Variants in DTX4 observed in about 807,000 individuals in gnomAD.
The protein encoded by DTX4 is E3 ubiquitin-protein ligase DTX4.
Under a neutral mutation model 57.6 loss-of-function variants are expected in DTX4, and 28 were observed. The ratio of observed to expected loss-of-function variants is 0.49; its 90% CI spans 0.36 to 0.67. The LOEUF (loss-of-function observed/expected upper bound fraction) is 0.67, where lower values mean the gene tolerates loss of function less well. Ranked by LOEUF, DTX4 falls within the 30% of genes least tolerant of loss-of-function variation. The pLI, the probability that DTX4 is intolerant of heterozygous loss-of-function variation, is 0.00. For synonymous variants in DTX4, 316 were observed against 331.0 expected (o/e 0.95, Z 0.49); for missense variants, 715 against 836.8 (o/e 0.85, Z 1.80).
Position 59,204,949 on chromosome 11 carries a change from G to A in DTX4, c.*40G>A. On this transcript the variant is annotated 3_prime_UTR_variant, in exon 9 of 9. Coordinates refer to ENST00000227451, the MANE Select transcript of DTX4 (RefSeq NM_015177.2). The stretch of plus-strand genomic sequence containing the variant: ...TGAGGTGGGAGGGGCCATGGAGACT[G>A]CAGGACAGGAAGTGAGGAGAGTGAG... The A allele has an allele frequency of 2.0e-6, 3 of 1,520,198 alleles. No homozygotes were observed. Among genetic ancestry groups the A allele is most frequent in the Non-Finnish European group, 1.8e-6 (2 of 1,118,352 alleles). The allele number at this position is 1,520,198 out of a possible 1,614,324, so 94.2% of individuals were successfully genotyped here.
rs1862470819 is a variant in DTX4, at chr11:59,182,068, G to A, written c.541G>A (p.Ala181Thr). 1.9e-6 allele frequency: 3 copies of A among 1,612,234 alleles called. No homozygotes were observed. Among genetic ancestry groups the A allele is most frequent in the Admixed American group, 3.3e-5 (2 of 59,918 alleles). ...AQSWPVSPGP[A>T]TSPPMSPCSC... ...GTCCTGGCCAGTCAGCCCTGGGCCAGCCACCTCGCCCCCCATGTCCCCCTG... is the reference window on the plus strand; with the variant it reads ...GTCCTGGCCAGTCAGCCCTGGGCCAACCACCTCGCCCCCCATGTCCCCCTG... Residue 181 changes from alanine (A) to threonine (T), a missense_variant, in exon 2 of 9, where the codon GCC (alanine) becomes ACC (threonine). By Grantham distance (58) the Ala-to-Thr change is moderately conservative. Transcript: ENST00000227451.
In DTX4 at chr11:59,205,387, G is replaced by C. The variant is rs543139965; in HGVS notation, c.*478G>C. 64 of 171,898 alleles carry C rather than the reference G, an allele frequency of 3.7e-4. No individual in the cohort carries two copies. The highest frequency in any genetic ancestry group is 6.7e-4 in the Non-Finnish European group (52 of 77,640). The allele number at this position is 171,898 out of a possible 1,614,324, so 10.6% of individuals were successfully genotyped here. On this transcript the variant is annotated 3_prime_UTR_variant, in exon 9 of 9. Coordinates refer to ENST00000227451, the MANE Select transcript of DTX4 (RefSeq NM_015177.2). ...AGGGAGCTCTCACTGTGCAAGGTTG[G>C]GGGGTGGGCAAAGGGGTGAATCACT...
Position 59,182,314 on chromosome 11 carries a change from T to C in DTX4, c.787T>C (p.Ser263Pro). Reference sequence around the variant, plus strand: ...ATCGCAGGTGATCCGGAGACAAGCCTCCAGCATGCCCACTGGGACAACCAT... The same window carrying C: ...ATCGCAGGTGATCCGGAGACAAGCCCCCAGCATGCCCACTGGGACAACCAT... ...APSQVIRRQA[S>P]SMPTGTTMGS... Residue 263 changes from serine (S) to proline (P), a missense_variant, in exon 2 of 9, where the codon TCC becomes CCC. Transcript: ENST00000227451. 3 of 1,612,634 alleles carry C rather than the reference T, an allele frequency of 1.9e-6. No homozygotes were observed. The highest frequency in any genetic ancestry group is 2.5e-6 in the Non-Finnish European group (3 of 1,179,810).
chr11:59,179,254 T>C (rs1467484716), intron 1 of DTX4, among the ~76,000 whole-genome samples: 1 of 152,142 alleles, frequency 6.6e-6, no homozygotes, highest in Non-Finnish European at 1.5e-5. Context: ...CAAATACCAA[T>C]TTGAGAGCAG....
chr11:59,173,491 C>G (rs1273538155), intron 1 of DTX4, among the ~76,000 whole-genome samples: 1 of 152,134 alleles, frequency 6.6e-6, no homozygotes, highest in East Asian at 1.9e-4. Context: ...AGCAACAGGC[C>G]GGAGCAGATG....
Position 59,179,949 on chromosome 11 carries a change from C to T in DTX4, c.212-1790C>T, listed in dbSNP as rs890539187. Among the ~76,000 whole-genome samples the T allele has an allele frequency of 6.6e-5, 10 of 152,144 alleles. No individual in the cohort carries two copies. In the East Asian group the frequency reaches 1.9e-3, roughly 29 times the overall value. The stretch of plus-strand genomic sequence containing the variant: ...ACACACACACACACACACCCTCACA[C>T]ACCCTGAGCTAAACCTTCTCCATGG... On this transcript the variant is annotated intron_variant, in intron 1 of 8. Transcript: ENST00000227451.
intron 7 of DTX4, among the ~76,000 whole-genome samples, chr11:59,196,510 TG>T (rs1862672638): frequency 1.3e-5 from 2 of 152,242 alleles, no homozygotes; most frequent in African/African-American, 4.8e-5. Context: ...CAAAGTCCAA[TG>T]GACCTGGGTT....
chr11:59,181,683 G>A (rs1862463054), intron 1 of DTX4, 56 bp from the exon 2 acceptor site: 1 of 1,537,238 alleles, frequency 6.5e-7, no homozygotes, highest in Non-Finnish European at 8.8e-7. Context: ...TTAATGTCTT[G>A]CCACTCAGTG....
intron 8 of DTX4, among the ~76,000 whole-genome samples, chr11:59,203,664 TA>T (rs1862766031): frequency 6.6e-6 from 1 of 152,230 alleles, no homozygotes; most frequent in Non-Finnish European, 1.5e-5. Flanking sequence ...CAATAATGAT[TA>T]AAAGTACAGT....
intron 8 of DTX4, among the ~76,000 whole-genome samples, chr11:59,202,977 G>C (rs983727566): frequency 6.6e-6 from 1 of 152,160 alleles, no homozygotes; most frequent in African/African-American, 2.4e-5. Context: ...TTGTATAATG[G>C]TAAGTATTTG....
chr11:59,198,121 T>C (rs1358333172), intron 7 of DTX4, among the ~76,000 whole-genome samples: 1 of 152,208 alleles, frequency 6.6e-6, no homozygotes, highest in African/African-American at 2.4e-5. Context: ...AGTCGAGACC[T>C]TCAAGCTCTG....
At chr11:59,180,187 A>G (rs993145053) in intron 1 of DTX4, among the ~76,000 whole-genome samples, 4 of 151,926 alleles carry the variant, frequency 2.6e-5, no homozygotes, top group African/African-American at 7.3e-5. Flanking sequence ...GGACAAAACC[A>G]CCCCTATTGG....
intron 2 of DTX4, among the ~76,000 whole-genome samples, chr11:59,187,069 A>C (rs910428276): frequency 6.6e-6 from 1 of 152,228 alleles, no homozygotes; most frequent in Non-Finnish European, 1.5e-5. Flanking sequence ...CCTTACAGGC[A>C]TGAGGGGCAG....
At chr11:59,202,464 G>A (rs1211324392) in intron 8 of DTX4, among the ~76,000 whole-genome samples, 1 of 152,232 alleles carries the variant, frequency 6.6e-6, no homozygotes, top group Non-Finnish European at 1.5e-5. Context: ...GCACAGCATA[G>A]TGACAGCAAT....
At position 59,172,715 on chromosome 11, in the gene DTX4, G is replaced by C. The variant is rs762945129; in HGVS notation, c.120G>C (p.Ala40=). The C allele has an allele frequency of 6.2e-7, 1 of 1,602,136 alleles. No individual in the cohort carries two copies. Among genetic ancestry groups the C allele is most frequent in the African/African-American group, 1.3e-5 (1 of 74,550 alleles). The change falls in exon 1 of 9, where the codon GCG becomes GCC. Residue 40 remains alanine, a synonymous_variant. Coordinates refer to ENST00000227451, the MANE Select transcript of DTX4 (RefSeq NM_015177.2). ...IEAVVRAGPR[A]GGSVVLGQVD... ...CGGTGGTCCGCGCCGGCCCCCGCGC[G>C]GGGGGCAGCGTGGTGCTGGGCCAGG...
At chr11:59,180,753 C>T (rs181786543) in intron 1 of DTX4, among the ~76,000 whole-genome samples, 6 of 152,274 alleles carry the variant, frequency 3.9e-5, no homozygotes, top group Non-Finnish European at 7.4e-5. Context: ...GCAACAGTTA[C>T]AGGTTCAGTT....
At chr11:59,194,963 G>A (rs1368764756) in intron 6 of DTX4, 6 of 538,652 alleles carry the variant, frequency 1.1e-5, no homozygotes, top group East Asian at 6.7e-5. Context: ...CTCAGGGACA[G>A]GGGCTTCTCT....
chr11:59,174,432 A>G (rs985895724), intron 1 of DTX4, among the ~76,000 whole-genome samples: 1 of 148,272 alleles, frequency 6.7e-6, no homozygotes, highest in African/African-American at 2.5e-5. Flanking sequence ...GAGCTGAGCC[A>G]CGGAGGTGGG....
intron 1 of DTX4, among the ~76,000 whole-genome samples, 152 bp downstream of exon 1, chr11:59,172,958 G>A (rs1205539157): frequency 6.6e-6 from 1 of 151,986 alleles, no homozygotes; most frequent in East Asian, 1.9e-4. Flanking sequence ...GATTCACTCC[G>A]CTGAATCCTC....
Sources: gnomAD v4.1 joint callset for allele counts (sites outside exome capture counted in the v4.1 genomes callset) on GRCh38, gnomAD v4.1.1 for gene constraint, MANE v1.5 for transcripts, NCBI Gene and HGNC (gene_info 2026-07-23, HGNC 2026-07-21) for gene names.